RRM2: variants seen among roughly 807,000 people sequenced by gnomAD.
RRM2 encodes the protein ribonucleoside-diphosphate reductase subunit M2.
Under a neutral mutation model 45.9 loss-of-function variants are expected in RRM2, and 6 were observed. The ratio of observed to expected loss-of-function variants is 0.13; its 90% CI spans 0.07 to 0.26. RRM2 has a LOEUF of 0.26. RRM2 is among the 10% of genes least tolerant of loss of function. RRM2 has a pLI of 1.00. For synonymous variants in RRM2, 177 were observed against 173.0 expected, an observed-to-expected ratio of 1.02 and a Z score of -0.18; for missense variants, 343 against 489.5, an observed-to-expected ratio of 0.70 and a Z score of 2.82.
intron 3 of RRM2, chr2:10,155,072 C>A: frequency 4.8e-6 from 1 of 208,842 alleles, no homozygotes; most frequent in South Asian, 6.3e-5. Context: ...ATATTCAAGA[C>A]CATGTTGCTT....
chr2:10,155,345 TC>T (rs1663401480), intron 3 of RRM2: 1 of 169,916 alleles, frequency 5.9e-6, no homozygotes, highest in African/African-American at 2.4e-5. Context: ...GGCTCCCTCC[TC>T]TGGGTTTTCT....
At position 10,122,822 on chromosome 2, in the gene RRM2, C is replaced by G; in HGVS notation, c.24C>G (p.Leu8=). 2 of 1,597,256 alleles carry G rather than the reference C, an allele frequency of 1.3e-6. No homozygotes were observed. The highest frequency in any genetic ancestry group is 1.7e-6 in the Non-Finnish European group (2 of 1,173,470). Residue 8 remains leucine (L), a synonymous_variant, in exon 1 of 10, where the codon CTC becomes CTG. Coordinates refer to ENST00000304567, the MANE Select transcript of RRM2 (RefSeq NM_001034.4). ...CTATGCTCTCCCTCCGTGTCCCGCT[C>G]GCGCCCATCACGGACCCGCAGCAGC... MLSLRVP[L]APITDPQQLQ...
At position 10,122,743 on chromosome 2, in the gene RRM2, A is replaced by G. The variant is rs1410062163; in HGVS notation, c.-56A>G. On this transcript the variant is annotated 5_prime_UTR_variant, in exon 1 of 10. Transcript: ENST00000304567. The stretch of plus-strand genomic sequence containing the variant: ...TGCTGGAGTGAGGGGTCGCCCGTGC[A>G]CCCTGTCCCAGCCGTCCTGTCCTGG... The G allele has an allele frequency of 1.3e-6, 2 of 1,554,222 alleles. No homozygotes were observed.
At chr2:10,131,680 A>G (rs981436606), downstream of RRM2, among the ~76,000 whole-genome samples, 1 of 152,220 alleles carries the variant, frequency 6.6e-6, no homozygotes, top group Admixed American at 6.5e-5. Context: ...CAGAGGTTGC[A>G]GTGAGCTGAG....
At chr2:10,133,156 G>A (rs550612983), downstream of RRM2, among the ~76,000 whole-genome samples, 45 of 152,342 alleles carry the variant, frequency 3.0e-4, 1 homozygote, top group African/African-American at 1.0e-3. Context: ...TCACCTGGGG[G>A]CTTTTAAAAG....
Position 10,204,636 on chromosome 2 carries a change from G to A in RRM2, n.483-5675G>A, listed in dbSNP as rs956610418. Among the ~76,000 whole-genome samples the A allele has an allele frequency of 5.3e-5, 8 of 152,282 alleles. No homozygotes were observed. The highest frequency in any genetic ancestry group is 9.6e-5 in the African/African-American group (4 of 41,480). On this transcript the variant is annotated intron_variant and non_coding_transcript_variant, in intron 3 of 3. Transcript: ENST00000381786. This position sits in a 1 kb window ranked among gnomAD's most constrained non-coding sequence, Gnocchi z 4.0. ...CATCCGAGGCCATTAGGGACAGGAC[G>A]CTAATGCATCGGCGCCCCATTGATT...
chr2:10,167,913 T>TAA (rs1339780562), intron 3 of RRM2, among the ~76,000 whole-genome samples: 2 of 152,160 alleles, frequency 1.3e-5, no homozygotes, highest in Non-Finnish European at 2.9e-5. Flanking sequence ...GAGACAGCTC[T>TAA]AAAGCATGCA....
chr2:10,155,249 G>A, intron 3 of RRM2: 1 of 221,588 alleles, frequency 4.5e-6, no homozygotes, highest in South Asian at 5.4e-5. Flanking sequence ...ATGGAGTCTT[G>A]TGAAAATGGT....
At chr2:10,186,390 C>T (rs1348271222) in intron 3 of RRM2, among the ~76,000 whole-genome samples, 4 of 151,808 alleles carry the variant, frequency 2.6e-5, no homozygotes, top group South Asian at 4.2e-4. Flanking sequence ...TTCCTGACCT[C>T]GTGATCCACC....
intron 5 of RRM2, among the ~76,000 whole-genome samples, chr2:10,125,477 G>A (rs1430372813): frequency 2.0e-5 from 3 of 152,120 alleles, no homozygotes; most frequent in Non-Finnish European, 2.9e-5. Context: ...AGGCTGAAGC[G>A]GGCGGACAAT....
intron 3 of RRM2, among the ~76,000 whole-genome samples, chr2:10,189,309 T>G (rs1664235138): frequency 6.6e-6 from 1 of 152,002 alleles, no homozygotes; most frequent in Non-Finnish European, 1.5e-5. Context: ...CAGGTGGAAG[T>G]GATCTAGAGG....
intron 3 of RRM2, among the ~76,000 whole-genome samples, chr2:10,157,090 G>A (rs1403047884): frequency 2.1e-5 from 3 of 144,410 alleles, no homozygotes; most frequent in Admixed American, 7.2e-5. Context: ...CTGCAGTGGC[G>A]CAATCTCGGC....
intron 3 of RRM2, among the ~76,000 whole-genome samples, chr2:10,206,804 T>C (rs1305001094): frequency 1.3e-5 from 2 of 152,074 alleles, no homozygotes; most frequent in Non-Finnish European, 2.9e-5. Context: ...CAACAACAGA[T>C]TGACAGTTGA....
At chr2:10,163,742 C>A (rs927170869) in intron 3 of RRM2, among the ~76,000 whole-genome samples, 1 of 152,214 alleles carries the variant, frequency 6.6e-6, no homozygotes. Flanking sequence ...CTGTTCTCTC[C>A]CCTCTCCTGG....
At chr2:10,140,593 C>T (rs1663062636), upstream of RRM2, among the ~76,000 whole-genome samples, 1 of 152,166 alleles carries the variant, frequency 6.6e-6, no homozygotes, top group South Asian at 2.1e-4. Flanking sequence ...GCTAACCAGT[C>T]ACTCTAGATG....
intron 3 of RRM2, among the ~76,000 whole-genome samples, chr2:10,150,151 T>TAAAA (rs1210905445): frequency 1.3e-5 from 2 of 151,932 alleles, no homozygotes; most frequent in Non-Finnish European, 2.9e-5. Context: ...CCATCTCTAC[T>TAAAA]AAAAACACAA....
intron 3 of RRM2, among the ~76,000 whole-genome samples, chr2:10,161,402 A>ATT (rs1367238342): frequency 6.6e-6 from 1 of 152,006 alleles, no homozygotes; most frequent in East Asian, 1.9e-4. Context: ...TGACTTCCTT[A>ATT]TTGCAGGGCA....
exon 4 of RRM2, chr2:10,210,389 G>C: frequency 7.3e-7 from 1 of 1,367,726 alleles, no homozygotes; most frequent in Non-Finnish European, 9.8e-7. Context: ...GAGCCACCGT[G>C]GTGCTCACAG....
intron 3 of RRM2, among the ~76,000 whole-genome samples, chr2:10,150,226 T>C (rs1225075188): frequency 6.6e-6 from 1 of 152,028 alleles, no homozygotes; most frequent in Non-Finnish European, 1.5e-5. Flanking sequence ...GGCGGGTGGA[T>C]CACGAGGTCA....
Sources: allele counts gnomAD v4.1 joint callset (sites outside exome capture counted in the v4.1 genomes callset), GRCh38; gene constraint gnomAD v4.1.1; non-coding constraint Gnocchi (gnomAD v3.1); transcripts MANE v1.5; gene names NCBI Gene and HGNC (gene_info 2026-07-23, HGNC 2026-07-21).